Variants in NRXN3 observed in about 807,000 individuals in gnomAD.
The protein encoded by NRXN3 is neurexin 3, also known as neurexin III.
Under a neutral mutation model 137.6 loss-of-function variants are expected in NRXN3, and 32 were observed. The ratio of observed to expected loss-of-function variants is 0.23; its 90% CI spans 0.18 to 0.31. The LOEUF (loss-of-function observed/expected upper bound fraction) is 0.31. Ranked by LOEUF, NRXN3 falls within the 10% of genes least tolerant of loss-of-function variation. NRXN3 has a pLI of 1.00. For synonymous variants in NRXN3, 798 were observed against 784.5 expected (o/e 1.02, Z -0.29); for missense variants, 1,574 against 2,062.5 (o/e 0.76, Z 4.59).
chr14:79,354,978 A>G (rs1800068113), intron 15 of NRXN3, among the ~76,000 whole-genome samples: 1 of 152,180 alleles, frequency 6.6e-6, no homozygotes, highest in South Asian at 2.1e-4. Context: ...TTGGTTTATG[A>G]TAATTCGACT....
intron 10 of NRXN3, among the ~76,000 whole-genome samples, chr14:78,878,630 GA>G (rs1249078283): frequency 6.6e-6 from 1 of 152,028 alleles, no homozygotes; most frequent in African/African-American, 2.4e-5. Flanking sequence ...ATTGAGTTTT[GA>G]AATATGTATA....
intron 16 of NRXN3, among the ~76,000 whole-genome samples, chr14:79,558,671 A>T (rs1455722477): frequency 6.6e-6 from 1 of 151,978 alleles, no homozygotes; most frequent in South Asian, 2.1e-4. Context: ...GAACACAGGC[A>T]GAGTAAATTT....
intron 8 of NRXN3, among the ~76,000 whole-genome samples, chr14:78,778,111 A>G (rs1227593117): frequency 6.6e-6 from 1 of 152,232 alleles, no homozygotes; most frequent in Non-Finnish European, 1.5e-5. Flanking sequence ...TAAATTGAAA[A>G]TAAATATGAT....
intron 15 of NRXN3, among the ~76,000 whole-genome samples, chr14:79,196,047 T>G (rs1049810127): frequency 2.6e-5 from 4 of 152,188 alleles, no homozygotes; most frequent in Non-Finnish European, 5.9e-5. Flanking sequence ...ATTGACATCC[T>G]CAAGTTATAA....
At chr14:78,904,578 G>A (rs756634720) in intron 10 of NRXN3, among the ~76,000 whole-genome samples, 41 of 152,014 alleles carry the variant, frequency 2.7e-4, no homozygotes, top group Non-Finnish European at 5.3e-4. Flanking sequence ...TTTCTAGAGA[G>A]AACCTCAACC....
At chr14:79,170,666 T>C (rs187939215) in intron 15 of NRXN3, among the ~76,000 whole-genome samples, 1 of 152,266 alleles carries the variant, frequency 6.6e-6, no homozygotes, top group East Asian at 1.9e-4. Flanking sequence ...TGGAATTGTC[T>C]CGACTTTTCC....
chr14:79,143,822 T>C (rs1433634112), intron 15 of NRXN3, among the ~76,000 whole-genome samples: 1 of 152,218 alleles, frequency 6.6e-6, no homozygotes, highest in Non-Finnish European at 1.5e-5. Context: ...GCATGAAAAC[T>C]TGCAAATATT....
At chr14:79,184,482 G>A (rs945004479) in intron 15 of NRXN3, among the ~76,000 whole-genome samples, 4 of 152,188 alleles carry the variant, frequency 2.6e-5, no homozygotes, top group African/African-American at 9.6e-5. Flanking sequence ...TATGTCAATA[G>A]TGTGTTTATA....
chr14:78,554,642 T>C (rs1422359455), intron 4 of NRXN3, among the ~76,000 whole-genome samples: 1 of 152,204 alleles, frequency 6.6e-6, no homozygotes, highest in African/African-American at 2.4e-5. Flanking sequence ...GAGTTGGCTC[T>C]ACCTAGTCTG....
At chr14:79,460,028 T>C (rs2096309053) in intron 15 of NRXN3, among the ~76,000 whole-genome samples, 1 of 152,130 alleles carries the variant, frequency 6.6e-6, no homozygotes, top group Non-Finnish European at 1.5e-5. Context: ...GCTTCTAAAG[T>C]AATGTGTTTC....
rs188572650 is a variant in NRXN3 at position 79,089,232 on chromosome 14, G to T, written c.3262+101091G>T. Among the ~76,000 whole-genome samples the T allele has an allele frequency of 2.0e-4, 30 of 152,258 alleles. 1 individual carries two copies. The East Asian group carries it at 5.2e-3, about 26-fold the overall frequency. The stretch of plus-strand genomic sequence containing the variant: ...CTTAGTAAACTTATAGAGAAAATAT[G>T]ATTTGATTGCCTAACAATATATTTA... On this transcript the variant is annotated intron_variant, in intron 15 of 20. Coordinates refer to ENST00000335750, the MANE Select transcript of NRXN3 (RefSeq NM_001330195.2).
At chr14:78,376,012 A>G (rs924959080) in intron 4 of NRXN3, among the ~76,000 whole-genome samples, 1 of 148,878 alleles carries the variant, frequency 6.7e-6, no homozygotes, top group Non-Finnish European at 1.5e-5. Context: ...ATACACACAC[A>G]CACACACATA....
chr14:79,547,923 G>C (rs2097336451), intron 16 of NRXN3, among the ~76,000 whole-genome samples: 1 of 152,102 alleles, frequency 6.6e-6, no homozygotes, highest in Non-Finnish European at 1.5e-5. Flanking sequence ...CTTTGACTTA[G>C]GCAACTTTAA....
Position 78,214,100 on chromosome 14 carries a change from C to G in NRXN3, c.-703-28291C>G, listed in dbSNP as rs563858330. On this transcript the variant is annotated intron_variant, in intron 1 of 20. Coordinates refer to ENST00000335750, the MANE Select transcript of NRXN3 (RefSeq NM_001330195.2). ...CTGTTCTTCACATAAAGACTGCACC[C>G]TTTATCCTTGCCTTCTGGGCCTGGT... Among the ~76,000 whole-genome samples the G allele has an allele frequency of 1.4e-3, 209 of 152,330 alleles. 1 individual carries two copies. Among genetic ancestry groups the G allele is most frequent in the Middle Eastern group, 0.01 (3 of 294 alleles).
At position 79,327,112 on chromosome 14, in the gene NRXN3, C is replaced by T. The variant is rs577379145; in HGVS notation, c.3263-140109C>T. 3.9e-5 allele frequency among the ~76,000 whole-genome samples: 6 copies of T among 152,234 alleles called. No homozygotes were observed. In the East Asian group the frequency reaches 9.7e-4, roughly 25 times the overall value. On this transcript the variant is annotated intron_variant, in intron 15 of 20. Coordinates refer to ENST00000335750, the MANE Select transcript of NRXN3 (RefSeq NM_001330195.2). ...TTTCTTCTTTCTTTCACACCATGTG[C>T]CCCAGAATGACAGCTCAGGGAAAGT...
At chr14:79,005,036 G>C (rs565702538) in intron 15 of NRXN3, among the ~76,000 whole-genome samples, 1 of 152,054 alleles carries the variant, frequency 6.6e-6, no homozygotes. Context: ...ACCTGGCCAC[G>C]TAGCAAAGGG....
At chr14:79,724,135 T>C (rs73332260) in intron 19 of NRXN3, among the ~76,000 whole-genome samples, 11,526 of 152,178 alleles carry the variant, frequency 0.076, 577 homozygotes, top group African/African-American at 0.14. Flanking sequence ...CATGTACTCT[T>C]TAAAAAACTT....
At chr14:79,672,400 G>A (rs533939027) in intron 17 of NRXN3, among the ~76,000 whole-genome samples, 1 of 152,058 alleles carries the variant, frequency 6.6e-6, no homozygotes, top group Non-Finnish European at 1.5e-5. Flanking sequence ...CAACCATAAT[G>A]CATCTATTTT....
At chr14:78,642,548 A>G (rs2097646338) in intron 4 of NRXN3, among the ~76,000 whole-genome samples, 1 of 152,160 alleles carries the variant, frequency 6.6e-6, no homozygotes, top group African/African-American at 2.4e-5. Context: ...GTATAACTTA[A>G]ATGTTTATAG....
Sources: gnomAD v4.1 joint callset for allele counts (sites outside exome capture counted in the v4.1 genomes callset) on GRCh38, gnomAD v4.1.1 for gene constraint, MANE v1.5 for transcripts, NCBI Gene and HGNC (gene_info 2026-07-23, HGNC 2026-07-21) for gene names.